The following N4BP2 variants were observed in gnomAD, a reference collection of about 807,000 sequenced individuals.
N4BP2 encodes the protein NEDD4-binding protein 2.
A neutral mutation model predicts 152.8 loss-of-function variants in N4BP2; 91 were observed. That is an observed-to-expected ratio of 0.60 (90% CI 0.50 to 0.71). The LOEUF (loss-of-function observed/expected upper bound fraction) is 0.71, where lower values mean the gene tolerates loss of function less well. Ranked by LOEUF, N4BP2 falls within the 30% of genes least tolerant of loss-of-function variation. The pLI is 0.00. For synonymous variants in N4BP2, 646 were observed against 705.3 expected (o/e 0.92, Z 1.33); for missense variants, 1,923 against 2,059.1 (o/e 0.93, Z 1.28).
In N4BP2 at chr4:40,156,829, G is replaced by A. The variant is rs1300624223; in HGVS notation, c.*2592G>A. On this transcript the variant is annotated 3_prime_UTR_variant, in exon 18 of 18. Coordinates refer to ENST00000261435, the MANE Select transcript of N4BP2 (RefSeq NM_018177.6). ...ACTCACAGAGCATTTTACATTTGTA[G>A]GTTAGCGATACTCAACAAGTAAATA... is the stretch of plus-strand genomic sequence containing the variant. 6.6e-6 allele frequency: 1 copy of A among 152,038 alleles called. No individual in the cohort carries two copies. The highest frequency in any genetic ancestry group is 1.5e-5 in the Non-Finnish European group (1 of 67,972). The allele number at this position is 152,038 out of a possible 1,614,324, so 9.4% of individuals were successfully genotyped here. A position where few individuals can be genotyped will look rare whatever the true frequency, so the allele number is the denominator to read the frequency against.
chr4:40,151,859 T>A (rs1416037803), intron 16 of N4BP2, among the ~76,000 whole-genome samples: 2 of 152,220 alleles, frequency 1.3e-5, no homozygotes, highest in Non-Finnish European at 2.9e-5. Flanking sequence ...ATCTTGGAGA[T>A]ATGATACTTG....
the N4BP2 span, among the ~76,000 whole-genome samples, chr4:40,172,436 C>A: frequency 6.6e-6 from 1 of 152,116 alleles, no homozygotes; most frequent in Non-Finnish European, 1.5e-5. Context: ...TATTAACCAC[C>A]ACACAAGTTA....
chr4:40,180,584 A>G, the N4BP2 span, among the ~76,000 whole-genome samples: 1 of 152,212 alleles, frequency 6.6e-6, no homozygotes, highest in African/African-American at 2.4e-5. Context: ...TGCACAATTC[A>G]TTCATGTACA....
At chr4:40,148,249 G>C (rs1720790851) in intron 16 of N4BP2, among the ~76,000 whole-genome samples, 1 of 152,262 alleles carries the variant, frequency 6.6e-6, no homozygotes, top group South Asian at 2.1e-4. Flanking sequence ...AGGAGCTGGA[G>C]AGCAGCCTGG....
chr4:40,069,602 A>G (rs1361763748), intron 1 of N4BP2, among the ~76,000 whole-genome samples: 2 of 152,086 alleles, frequency 1.3e-5, no homozygotes, highest in African/African-American at 2.4e-5. Flanking sequence ...TTAAGAGTTG[A>G]TATTTGAATT....
At position 40,120,051 on chromosome 4, in the gene N4BP2, C is replaced by T. The variant is rs1438724129; in HGVS notation, c.1940C>T (p.Pro647Leu). ...GATGTAACCAAAGAAACAATGTTAC[C>T]TGAGAATGTTGCATATCTCTCTAAT... ...NLDVTKETML[P>L]ENVAYLSNAD... is the part of the protein sequence containing the mutation. Residue 647 changes from proline to leucine, a missense_variant, in exon 9 of 18, where the codon CCT becomes CTT. Coordinates refer to ENST00000261435, the MANE Select transcript of N4BP2 (RefSeq NM_018177.6). 6.2e-7 allele frequency: 1 copy of T among 1,608,512 alleles called. No individual in the cohort carries two copies. The highest frequency in any genetic ancestry group is 1.3e-5 in the African/African-American group (1 of 74,748).
At chr4:40,162,939 G>A (rs1454686921), downstream of N4BP2, among the ~76,000 whole-genome samples, 1 of 152,186 alleles carries the variant, frequency 6.6e-6, no homozygotes, top group East Asian at 1.9e-4. Context: ...TCCAAGGGGA[G>A]AGGACCCCAT....
At chr4:40,149,204 T>C (rs375223959) in intron 16 of N4BP2, among the ~76,000 whole-genome samples, 1 of 152,240 alleles carries the variant, frequency 6.6e-6, no homozygotes, top group Non-Finnish European at 1.5e-5. Context: ...AACCTAAAAG[T>C]TCATTAACTG....
At chr4:40,062,562 CTT>C (rs1330023601) in intron 1 of N4BP2, among the ~76,000 whole-genome samples, 15 of 137,178 alleles carry the variant, frequency 1.1e-4, no homozygotes, top group East Asian at 2.1e-4. Flanking sequence ...TTCTGAACTT[CTT>C]TTTTTTTTTT....
At chr4:40,134,757 C>G (rs545103560) in intron 13 of N4BP2, among the ~76,000 whole-genome samples, 4 of 152,164 alleles carry the variant, frequency 2.6e-5, no homozygotes, top group Non-Finnish European at 5.9e-5. Context: ...CACATGGCTT[C>G]CTTTCAAGGG....
the N4BP2 span, among the ~76,000 whole-genome samples, chr4:40,171,752 C>T: frequency 1.3e-5 from 2 of 152,136 alleles, no homozygotes; most frequent in African/African-American, 2.4e-5. Flanking sequence ...GGAAGCCAGT[C>T]GAGTTCCAAA....
the N4BP2 span, among the ~76,000 whole-genome samples, chr4:40,174,333 T>C: frequency 5.5e-3 from 829 of 151,994 alleles, 5 homozygotes; most frequent in African/African-American, 0.019. Context: ...GCCGTGATCA[T>C]TTAAAGAAAT....
In N4BP2 at chr4:40,144,686, A is replaced by G; in HGVS notation, c.5029A>G (p.Ile1677Val). 1 of 1,614,004 alleles carries G rather than the reference A, an allele frequency of 6.2e-7. No individual in the cohort carries two copies. Among genetic ancestry groups the G allele is most frequent in the Non-Finnish European group, 8.5e-7 (1 of 1,179,964 alleles). ...KEANHLAAIE[I>V]FEKVNASLLP... The stretch of plus-strand genomic sequence containing the variant: ...AGCCAATCACCTTGCTGCCATAGAG[A>G]TCTTTGAGAAAGTCAATGCTTCGCT... Residue 1677 changes from isoleucine (I) to valine (V), a missense_variant, in exon 16 of 18, where the codon ATC becomes GTC. Ile to Val is a conservative substitution (Grantham distance 29). Coordinates refer to ENST00000261435, the MANE Select transcript of N4BP2 (RefSeq NM_018177.6).
intron 10 of N4BP2, 104 bp from the exon 11 acceptor site, chr4:40,124,056 T>C: frequency 1.2e-6 from 1 of 806,760 alleles, no homozygotes; most frequent in Non-Finnish European, 2.1e-6. Context: ...GGTTTACAGT[T>C]ATACAAGGAG....
At position 40,119,992 on chromosome 4, in the gene N4BP2, G is replaced by C; in HGVS notation, c.1881G>C (p.Leu627Phe). The C allele has an allele frequency of 6.5e-7, 1 of 1,539,142 alleles. No individual in the cohort carries two copies. Among genetic ancestry groups the C allele is most frequent in the South Asian group, 1.2e-5 (1 of 84,846 alleles). ...AAGAAAATATTTTATCTTTATCTTT[G>C]AAGCATCTAGAGTTCACTGAAGAGA... is the stretch of plus-strand genomic sequence containing the variant. ...EKEENILSLSLKHLEFTEEKN... is the reference protein window; with the variant it reads ...EKEENILSLSFKHLEFTEEKN... The change falls in exon 9 of 18, where the codon TTG becomes TTC. Residue 627 changes from leucine to phenylalanine, a missense_variant. By Grantham distance (22) the Leu-to-Phe change is conservative (BLOSUM62 0). Transcript: ENST00000261435.
At chr4:40,148,409 C>T (rs1720814390) in intron 16 of N4BP2, among the ~76,000 whole-genome samples, 1 of 149,498 alleles carries the variant, frequency 6.7e-6, no homozygotes. Flanking sequence ...CAGTACAGTC[C>T]AGCTTCGGCT....
chr4:40,092,013 T>A (rs868191968), intron 2 of N4BP2, among the ~76,000 whole-genome samples: 29 of 54,136 alleles, frequency 5.4e-4, no homozygotes, highest in African/African-American at 1.2e-3. Context: ...AAAAATTATA[T>A]ATATATATAT....
At chr4:40,165,753 A>T in the N4BP2 span, among the ~76,000 whole-genome samples, 16 of 152,194 alleles carry the variant, frequency 1.1e-4, no homozygotes, top group Admixed American at 3.9e-4. Context: ...GTTTCAAAGG[A>T]TGTCATGTTC....
chr4:40,187,159 G>A, the N4BP2 span, among the ~76,000 whole-genome samples: 41 of 152,036 alleles, frequency 2.7e-4, no homozygotes, highest in African/African-American at 9.9e-4. Context: ...GCTTTAGCCA[G>A]ATTATTCCTG....
Sources: allele counts gnomAD v4.1 joint callset (sites outside exome capture counted in the v4.1 genomes callset), GRCh38; gene constraint gnomAD v4.1.1; transcripts MANE v1.5; gene names NCBI Gene and HGNC (gene_info 2026-07-23, HGNC 2026-07-21).